KANSL1L: variants seen among roughly 807,000 people sequenced by gnomAD.
KANSL1L encodes the protein KAT8 regulatory NSL complex subunit 1 like, also known as KAT8 regulatory NSL complex subunit 1-like protein.
A neutral mutation model predicts 108.6 loss-of-function variants in KANSL1L; 25 were observed. That is an observed-to-expected ratio of 0.23 (90% CI 0.17 to 0.32). KANSL1L has a LOEUF of 0.32. Among genes scored for constraint, KANSL1L ranks in the 10% least tolerant of loss-of-function variants. The pLI is 1.00. For missense variants in KANSL1L, 1,137 were observed against 1,125.7 expected (o/e 1.01, Z -0.14); for synonymous variants, 405 against 395.1 (o/e 1.03, Z -0.30).
In KANSL1L at chr2:210,028,958, T is replaced by C. The variant is rs144362511; in HGVS notation, c.2283A>G (p.Arg761=). ...AAGAGCTCTCACTTCTCAATCTCCG[T>C]CGTGCAGTATTCTGCAAAACAGGAT... ...RIQNSSRNTA[R]RRLRSESSYD... Residue 761 remains arginine, a synonymous_variant, in exon 11 of 15, where the codon CGA becomes CGG. Transcript: ENST00000281772. 1 of 1,610,676 alleles carries C rather than the reference T, an allele frequency of 6.2e-7. No homozygotes were observed. Among genetic ancestry groups the C allele is most frequent in the South Asian group, 1.1e-5 (1 of 90,514 alleles).
chr2:210,135,868 ATTGTCT>A (rs2095169206), intron 2 of KANSL1L, among the ~76,000 whole-genome samples: 1 of 152,172 alleles, frequency 6.6e-6, no homozygotes, highest in African/African-American at 2.4e-5. Context: ...TAAAATGTTC[ATTGTCT>A]TTAAGATGAG....
chr2:210,082,687 A>G (rs2094599654), intron 5 of KANSL1L, among the ~76,000 whole-genome samples: 1 of 152,244 alleles, frequency 6.6e-6, no homozygotes, highest in South Asian at 2.1e-4. Flanking sequence ...AAGGAATAGC[A>G]GCAAATAGGG....
intron 4 of KANSL1L, among the ~76,000 whole-genome samples, chr2:210,099,350 A>G (rs1437940955): frequency 6.6e-6 from 1 of 152,186 alleles, no homozygotes; most frequent in Non-Finnish European, 1.5e-5. Flanking sequence ...ATTATTTTAG[A>G]ATGCTTCATT....
intron 1 of KANSL1L, among the ~76,000 whole-genome samples, chr2:210,160,706 A>G (rs937368775): frequency 2.0e-5 from 3 of 152,230 alleles, no homozygotes; most frequent in African/African-American, 4.8e-5. Flanking sequence ...AGATAAAACT[A>G]TTCAATATTG....
intron 4 of KANSL1L, among the ~76,000 whole-genome samples, chr2:210,101,496 T>C (rs969952342): frequency 3.3e-5 from 5 of 152,162 alleles, no homozygotes; most frequent in African/African-American, 9.7e-5. Context: ...GACCTAAAGA[T>C]GGTAAAAGTA....
chr2:210,143,151 G>T (rs1654679438), intron 2 of KANSL1L, among the ~76,000 whole-genome samples: 1 of 151,884 alleles, frequency 6.6e-6, no homozygotes, highest in African/African-American at 2.4e-5. Flanking sequence ...TTATAATGTA[G>T]TATCCTCTTA....
chr2:210,134,438 T>C (rs921848662), intron 2 of KANSL1L, among the ~76,000 whole-genome samples: 1 of 148,122 alleles, frequency 6.8e-6, no homozygotes, highest in African/African-American at 2.6e-5. Flanking sequence ...CATACACACA[T>C]GTCTAGTAGG....
At position 210,063,210 on chromosome 2, in the gene KANSL1L, G is replaced by A. The variant is rs115809565; in HGVS notation, c.1755+12342C>T. Among the ~76,000 whole-genome samples the A allele has an allele frequency of 9.4e-3, 1,428 of 152,336 alleles. 21 individuals carry two copies. Among genetic ancestry groups the A allele is most frequent in the African/African-American group, 0.029 (1,225 of 41,576 alleles). The stretch of plus-strand genomic sequence containing the variant: ...TCCATGTGGTGTTGAGCCTGCAAGT[G>A]CATAGAAGTCAAGAGGTTTGGGACC... On this transcript the variant is annotated intron_variant, in intron 6 of 14. Transcript: ENST00000281772.
At chr2:210,052,585 C>T (rs1183505204) in intron 6 of KANSL1L, among the ~76,000 whole-genome samples, 1 of 152,212 alleles carries the variant, frequency 6.6e-6, no homozygotes, top group Non-Finnish European at 1.5e-5. Context: ...ACTTCTGACT[C>T]TCCTATCTAA....
At chr2:210,171,606 C>T (rs1184741422), upstream of KANSL1L, 3 of 152,378 alleles carry the variant, frequency 2.0e-5, no homozygotes, top group South Asian at 2.1e-4. Context: ...GGACGGGTTC[C>T]GTGCAGCTCC....
intron 6 of KANSL1L, among the ~76,000 whole-genome samples, chr2:210,073,464 G>A (rs1178545370): frequency 2.6e-5 from 4 of 151,844 alleles, no homozygotes; most frequent in East Asian, 3.9e-4. Flanking sequence ...GGGAGGCTAA[G>A]GCAGGAGGAT....
rs138511485 is a variant in KANSL1L at position 210,043,964 on chromosome 2, G to C, written c.1896C>G (p.Phe632Leu). The C allele has an allele frequency of 1.3e-4, 212 of 1,598,948 alleles. 2 individuals carry two copies. In the South Asian group the frequency reaches 2.3e-3, roughly 17 times the overall value. ...REHVSELDSS[F>L]HSVLSLPSDV... is the part of the protein sequence containing the mutation. ...CTGATGGCAATGATAGAACAGAATGGAAAGAGGAATCTAACTCTGATACAT... is the reference window on the plus strand; with the variant it reads ...CTGATGGCAATGATAGAACAGAATGCAAAGAGGAATCTAACTCTGATACAT... The change falls in exon 7 of 15, where the codon TTC becomes TTG. Residue 632 changes from phenylalanine (F) to leucine (L), a missense_variant. Physicochemically the swap from Phe to Leu is conservative, Grantham distance 22. Transcript: ENST00000281772.
chr2:210,149,041 C>G (rs2095284511), intron 2 of KANSL1L, among the ~76,000 whole-genome samples: 1 of 151,976 alleles, frequency 6.6e-6, no homozygotes, highest in Non-Finnish European at 1.5e-5. Flanking sequence ...ATTGAACATT[C>G]ATGGGGGGAG....
intron 6 of KANSL1L, among the ~76,000 whole-genome samples, chr2:210,051,832 G>T (rs1475225588): frequency 6.6e-6 from 1 of 152,054 alleles, no homozygotes; most frequent in East Asian, 1.9e-4. Flanking sequence ...TCAAAAGTTT[G>T]TGGGCCTTAT....
chr2:210,027,818 A>G (rs1160530517), intron 11 of KANSL1L, among the ~76,000 whole-genome samples: 1 of 152,212 alleles, frequency 6.6e-6, no homozygotes, highest in African/African-American at 2.4e-5. Flanking sequence ...TACCATTGCA[A>G]GTTGAAATAT....
chr2:210,143,240 T>C (rs990655282), intron 2 of KANSL1L, among the ~76,000 whole-genome samples: 2 of 152,266 alleles, frequency 1.3e-5, no homozygotes, highest in East Asian at 1.9e-4. Context: ...GCATTTTTTT[T>C]CTGATATACA....
chr2:210,133,212 T>A (rs1190528044), intron 2 of KANSL1L, among the ~76,000 whole-genome samples: 1 of 152,142 alleles, frequency 6.6e-6, no homozygotes, highest in Non-Finnish European at 1.5e-5. Flanking sequence ...ATAAGCTACA[T>A]ACACTCCATT....
At chr2:210,141,693 G>C (rs1043721619) in intron 2 of KANSL1L, among the ~76,000 whole-genome samples, 1 of 152,150 alleles carries the variant, frequency 6.6e-6, no homozygotes, top group Non-Finnish European at 1.5e-5. Flanking sequence ...CACTAAATTG[G>C]ATGTTAACTG....
At chr2:210,113,297 G>A (rs188945871) in intron 3 of KANSL1L, among the ~76,000 whole-genome samples, 362 of 152,198 alleles carry the variant, frequency 2.4e-3, no homozygotes, top group African/African-American at 8.2e-3. Flanking sequence ...CTGCACCAAT[G>A]GGGAAAATTA....
Sources: gnomAD v4.1 joint callset for allele counts (sites outside exome capture counted in the v4.1 genomes callset) on GRCh38, gnomAD v4.1.1 for gene constraint, MANE v1.5 for transcripts, NCBI Gene and HGNC (gene_info 2026-07-23, HGNC 2026-07-21) for gene names.